Variants in CNTNAP2 observed in about 807,000 individuals in gnomAD.
CNTNAP2 encodes contactin associated protein 2.
A neutral mutation model predicts 155.2 loss-of-function variants in CNTNAP2; 98 were observed. The ratio of observed to expected loss-of-function variants is 0.63; its 90% CI spans 0.54 to 0.75. The LOEUF (loss-of-function observed/expected upper bound fraction) is 0.75, where lower values mean the gene tolerates loss of function less well. Among genes scored for constraint, CNTNAP2 ranks in the 30% least tolerant of loss-of-function variants. The probability of loss-of-function intolerance (pLI) is 0.00; values close to 1 mark genes in which losing one functional copy is unlikely to be tolerated. For synonymous variants in CNTNAP2, 651 were observed against 631.2 expected (o/e 1.03, Z -0.47); for missense variants, 1,727 against 1,688.1 (o/e 1.02, Z -0.40).
chr7:146,718,792 C>T (rs1455212139), intron 1 of CNTNAP2, among the ~76,000 whole-genome samples: 1 of 151,556 alleles, frequency 6.6e-6, no homozygotes, highest in Non-Finnish European at 1.5e-5. Context: ...GTAACGGTAT[C>T]TTTCTCCAAG....
intron 13 of CNTNAP2, among the ~76,000 whole-genome samples, chr7:147,836,699 T>C (rs1379790247): frequency 6.6e-6 from 1 of 152,228 alleles, no homozygotes. Flanking sequence ...ATTTTGCTCA[T>C]CATGACATTT....
At chr7:147,211,902 A>G (rs919073165) in intron 8 of CNTNAP2, among the ~76,000 whole-genome samples, 13 of 152,126 alleles carry the variant, frequency 8.5e-5, no homozygotes, top group Non-Finnish European at 1.5e-5. Flanking sequence ...CAAACTATGC[A>G]TCCTAAAAAC....
At chr7:147,775,399 A>C (rs1359734206) in intron 13 of CNTNAP2, among the ~76,000 whole-genome samples, 1 of 108,528 alleles carries the variant, frequency 9.2e-6, no homozygotes, top group Admixed American at 1.3e-4. Flanking sequence ...ATAAATATAT[A>C]TATTTATATA....
intron 8 of CNTNAP2, among the ~76,000 whole-genome samples, chr7:147,137,591 T>C (rs759318555): frequency 2.0e-5 from 3 of 151,816 alleles, no homozygotes; most frequent in Non-Finnish European, 4.4e-5. Context: ...ATTTAAAAAT[T>C]CTAATTTCCT....
rs199800312 is a variant in CNTNAP2 at position 147,413,138 on chromosome 7, AAT to A, written c.1670+17360_1670+17361del. On this transcript the variant is annotated intron_variant, in intron 10 of 23. Coordinates refer to ENST00000361727, the MANE Select transcript of CNTNAP2 (RefSeq NM_014141.6). The stretch of plus-strand genomic sequence containing the variant: ...ATACATCGGAAAAGAGTTTACTGGA[AAT>A]AGTTTTAAAATAATGGCTTAGAGTC... Among the ~76,000 whole-genome samples, 171 of 152,336 alleles carry A rather than the reference AAT, an allele frequency of 1.1e-3. 4 individuals are homozygous for A. The East Asian group carries it at 0.028, about 25-fold the overall frequency.
chr7:147,898,391 G>A lies in CNTNAP2; in HGVS notation c.2099-5174G>A, dbSNP rs530857338. On this transcript the variant is annotated intron_variant, in intron 13 of 23. Coordinates refer to ENST00000361727, the MANE Select transcript of CNTNAP2 (RefSeq NM_014141.6). ...TTTTTGTATTGTTTGTTTAGATATT[G>A]TGACTGTTCACATGGTAACTTTATG... 2.0e-5 allele frequency among the ~76,000 whole-genome samples: 3 copies of A among 152,252 alleles called. No homozygotes were observed. In the East Asian group the frequency reaches 5.8e-4, roughly 29 times the overall value.
chr7:146,604,652 T>C (rs1432506536), intron 1 of CNTNAP2, among the ~76,000 whole-genome samples: 1 of 127,494 alleles, frequency 7.8e-6, no homozygotes, highest in Non-Finnish European at 1.7e-5. Flanking sequence ...TTATTCACAA[T>C]AGCAAAGACT....
intron 1 of CNTNAP2, among the ~76,000 whole-genome samples, chr7:146,160,445 G>T (rs1010524286): frequency 2.0e-5 from 3 of 152,072 alleles, no homozygotes; most frequent in African/African-American, 4.8e-5. Context: ...TAGACTGCTA[G>T]CAAGACTGCT....
intron 13 of CNTNAP2, among the ~76,000 whole-genome samples, chr7:147,881,599 T>C (rs1336594803): frequency 2.0e-5 from 3 of 152,184 alleles, no homozygotes; most frequent in Non-Finnish European, 4.4e-5. Flanking sequence ...GTTTTATAAA[T>C]GTTTGTAAGA....
chr7:146,357,203 G>A (rs778917418), intron 1 of CNTNAP2, among the ~76,000 whole-genome samples: 5 of 137,846 alleles, frequency 3.6e-5, no homozygotes, highest in Admixed American at 7.8e-5. Flanking sequence ...TTCCCAAAGC[G>A]CTTGGCCCTG....
At chr7:147,708,257 A>G (rs1391920073) in intron 13 of CNTNAP2, among the ~76,000 whole-genome samples, 2 of 152,062 alleles carry the variant, frequency 1.3e-5, no homozygotes, top group African/African-American at 4.8e-5. Flanking sequence ...TGGGCAGGAG[A>G]GTTTGTTCAT....
At chr7:147,938,330 A>G (rs1030893943) in intron 14 of CNTNAP2, among the ~76,000 whole-genome samples, 2 of 152,202 alleles carry the variant, frequency 1.3e-5, no homozygotes, top group Non-Finnish European at 2.9e-5. Context: ...TATTTAAAGC[A>G]CACAATACTA....
Position 148,061,972 on chromosome 7 carries a change from T to C in CNTNAP2, c.2384-56146T>C, listed in dbSNP as rs1337363426. 3.9e-4 allele frequency among the ~76,000 whole-genome samples: 50 copies of C among 127,936 alleles called. 2 individuals carry two copies. Among genetic ancestry groups the C allele is most frequent in the African/African-American group, 1.3e-3 (37 of 28,012 alleles). 83.9% of individuals were successfully genotyped at this position (127,936 alleles called of 152,430 possible). ...AAACAGATATAGATAGATAGATAGATAGATAGATAGATAGATAGATAGATA... is the reference window on the plus strand; with the variant it reads ...AAACAGATATAGATAGATAGATAGACAGATAGATAGATAGATAGATAGATA... On this transcript the variant is annotated intron_variant, in intron 15 of 23. Coordinates refer to ENST00000361727, the MANE Select transcript of CNTNAP2 (RefSeq NM_014141.6).
chr7:148,198,445 T>C (rs1795312180), intron 18 of CNTNAP2, among the ~76,000 whole-genome samples: 1 of 152,154 alleles, frequency 6.6e-6, no homozygotes, highest in African/African-American at 2.4e-5. Flanking sequence ...ACTCCTTCTG[T>C]GGGGGCTTCA....
chr7:147,612,803 A>G (rs756209484), intron 12 of CNTNAP2, among the ~76,000 whole-genome samples: 4 of 152,152 alleles, frequency 2.6e-5, no homozygotes, highest in Non-Finnish European at 5.9e-5. Flanking sequence ...CATGCATTAA[A>G]TGCTCCTCTT....
intron 15 of CNTNAP2, among the ~76,000 whole-genome samples, chr7:148,024,256 T>A (rs1258187001): frequency 6.6e-6 from 1 of 151,644 alleles, no homozygotes; most frequent in African/African-American, 2.4e-5. Context: ...CCACAAGTAG[T>A]TAGAGCTCAG....
intron 3 of CNTNAP2, among the ~76,000 whole-genome samples, chr7:146,922,731 G>A (rs1314558798): frequency 6.6e-6 from 1 of 152,112 alleles, no homozygotes; most frequent in Non-Finnish European, 1.5e-5. Context: ...TAAATTGGAA[G>A]TAATAATAAA....
chr7:148,275,848 G>C (rs1035196191), intron 21 of CNTNAP2, among the ~76,000 whole-genome samples: 3 of 152,170 alleles, frequency 2.0e-5, no homozygotes, highest in African/African-American at 7.2e-5. Context: ...TGTTCCAAGA[G>C]AGAGGAAGCA....
chr7:147,376,205 A>G (rs940909750), intron 9 of CNTNAP2, among the ~76,000 whole-genome samples: 1 of 152,048 alleles, frequency 6.6e-6, no homozygotes, highest in Non-Finnish European at 1.5e-5. Flanking sequence ...TCACGTTTGT[A>G]TGATAACTCG....
Sources: allele counts gnomAD v4.1 joint callset (sites outside exome capture counted in the v4.1 genomes callset), GRCh38; gene constraint gnomAD v4.1.1; transcripts MANE v1.5; gene names NCBI Gene and HGNC (gene_info 2026-07-23, HGNC 2026-07-21).